PALM2AKAP2: variants seen among roughly 807,000 people sequenced by gnomAD.
PALM2AKAP2 encodes PALM2 and AKAP2 fusion.
Under a neutral mutation model 71.5 loss-of-function variants are expected in PALM2AKAP2, and 37 were observed. The ratio of observed to expected loss-of-function variants is 0.52; its 90% CI spans 0.40 to 0.68. The LOEUF is 0.68. Among genes scored for constraint, PALM2AKAP2 ranks in the 30% least tolerant of loss-of-function variants. The pLI, the probability that PALM2AKAP2 is intolerant of heterozygous loss-of-function variation, is 0.00. For missense variants in PALM2AKAP2, 1,224 were observed against 1,191.8 expected (o/e 1.03, Z -0.40); for synonymous variants, 468 against 478.8 (o/e 0.98, Z 0.29).
intron 3 of PALM2AKAP2, among the ~76,000 whole-genome samples, chr9:109,881,946 C>T (rs1457166136): frequency 1.5e-5 from 2 of 135,650 alleles, no homozygotes; most frequent in African/African-American, 2.7e-5. Context: ...TACAGTGGCA[C>T]AATCTTGGCT....
chr9:109,692,158 C>T (rs905527886), intron 1 of PALM2AKAP2, among the ~76,000 whole-genome samples: 15 of 150,900 alleles, frequency 9.9e-5, no homozygotes, highest in Non-Finnish European at 2.1e-4. Context: ...ATGGTTTTTA[C>T]TATATTCATA....
intron 1 of PALM2AKAP2, among the ~76,000 whole-genome samples, chr9:109,697,792 G>A (rs973165443): frequency 2.6e-5 from 4 of 152,036 alleles, no homozygotes; most frequent in Admixed American, 2.6e-4. Flanking sequence ...ATAGATAATG[G>A]CATTGCAACT....
intron 1 of PALM2AKAP2, among the ~76,000 whole-genome samples, chr9:109,784,546 A>G (rs1340998746): frequency 6.6e-6 from 1 of 152,270 alleles, no homozygotes; most frequent in African/African-American, 2.4e-5. Flanking sequence ...CAGTAGCTAA[A>G]GACACAAACT....
At chr9:109,950,638 C>T (rs1009807965) in intron 6 of PALM2AKAP2, among the ~76,000 whole-genome samples, 1 of 152,126 alleles carries the variant, frequency 6.6e-6, no homozygotes, top group East Asian at 1.9e-4. Flanking sequence ...AGATCAAGAC[C>T]CTTTTTCTAA....
chr9:109,690,845 A>G (rs10816857), intron 1 of PALM2AKAP2, among the ~76,000 whole-genome samples: 17,353 of 152,148 alleles, frequency 0.11, 1,287 homozygotes, highest in Non-Finnish European at 0.16. Flanking sequence ...TCAATTTTAC[A>G]TGTTTTTTGT....
chr9:109,848,480 T>C (rs1828923131), intron 1 of PALM2AKAP2, among the ~76,000 whole-genome samples: 1 of 152,160 alleles, frequency 6.6e-6, no homozygotes, highest in African/African-American at 2.4e-5. Context: ...CCATCACCAC[T>C]TCCAACACAC....
At chr9:109,777,690 G>A (rs75285373), upstream of PALM2AKAP2, among the ~76,000 whole-genome samples, 119 of 152,190 alleles carry the variant, frequency 7.8e-4, 2 homozygotes, top group African/African-American at 2.7e-3. Context: ...CCCTCCAATG[G>A]TCTCTTCTTC....
chr9:109,718,794 T>C (rs1828365188), intron 1 of PALM2AKAP2, among the ~76,000 whole-genome samples: 1 of 152,202 alleles, frequency 6.6e-6, no homozygotes, highest in South Asian at 2.1e-4. Flanking sequence ...GGTTGATGTT[T>C]TTTCTTGCTC....
intron 1 of PALM2AKAP2, among the ~76,000 whole-genome samples, chr9:110,051,894 G>A (rs1271243246): frequency 6.6e-6 from 1 of 151,766 alleles, no homozygotes; most frequent in Non-Finnish European, 1.5e-5. Context: ...AGTTTGGGTA[G>A]CAAATTGCAC....
chr9:109,756,762 T>G (rs1037394292), intron 1 of PALM2AKAP2, among the ~76,000 whole-genome samples: 1 of 152,200 alleles, frequency 6.6e-6, no homozygotes, highest in African/African-American at 2.4e-5. Flanking sequence ...TTTCAAGATT[T>G]ATCATATACT....
At chr9:110,082,709 A>G (rs1189377917) in intron 1 of PALM2AKAP2, among the ~76,000 whole-genome samples, 1 of 152,256 alleles carries the variant, frequency 6.6e-6, no homozygotes, top group Non-Finnish European at 1.5e-5. Context: ...TGTATGCAAC[A>G]TAAAACTTTA....
chr9:109,698,159 T>C (rs1827999448), intron 1 of PALM2AKAP2, among the ~76,000 whole-genome samples: 2 of 152,328 alleles, frequency 1.3e-5, no homozygotes, highest in African/African-American at 4.8e-5. Flanking sequence ...AAAAACCTTT[T>C]TGCAGCTGAG....
At chr9:109,925,854 T>C (rs549228330) in intron 5 of PALM2AKAP2, among the ~76,000 whole-genome samples, 1 of 152,330 alleles carries the variant, frequency 6.6e-6, no homozygotes, top group South Asian at 2.1e-4. Context: ...AGACCTGCTT[T>C]ACAATGCAGG....
At chr9:109,837,608 A>G (rs1221199076) in intron 1 of PALM2AKAP2, among the ~76,000 whole-genome samples, 2 of 152,204 alleles carry the variant, frequency 1.3e-5, no homozygotes, top group Non-Finnish European at 2.9e-5. Flanking sequence ...GTCAAGACCT[A>G]TCAGTGTGCT....
chr9:109,940,611 G>A (rs950010901), intron 6 of PALM2AKAP2, among the ~76,000 whole-genome samples: 4 of 152,096 alleles, frequency 2.6e-5, no homozygotes, highest in African/African-American at 9.7e-5. Context: ...AAGAGGTAGG[G>A]ACTCAAGACA....
At chr9:110,137,516 T>G (rs139214625) in exon 2 of PALM2AKAP2, 14 of 1,613,986 alleles carry the variant, frequency 8.7e-6, no homozygotes, top group Non-Finnish European at 1.2e-5. Flanking sequence ...ACGTGGGCCC[T>G]TATCTAAACT....
intron 1 of PALM2AKAP2, among the ~76,000 whole-genome samples, chr9:109,845,657 C>G (rs1828834736): frequency 1.3e-5 from 2 of 152,132 alleles, no homozygotes; most frequent in Non-Finnish European, 2.9e-5. Context: ...TCTAGCTGGT[C>G]TCAGTCTTTG....
intron 1 of PALM2AKAP2, among the ~76,000 whole-genome samples, chr9:109,796,668 C>CA: frequency 6.7e-6 from 1 of 148,166 alleles, no homozygotes; most frequent in Non-Finnish European, 1.5e-5. Flanking sequence ...GGGAAGCAGG[C>CA]ACATCTTACG....
At chr9:109,809,964 CTG>C (rs1267612749) in intron 1 of PALM2AKAP2, among the ~76,000 whole-genome samples, 2 of 152,226 alleles carry the variant, frequency 1.3e-5, no homozygotes, top group South Asian at 4.1e-4. Context: ...CCATGTGGAA[CTG>C]TGAGTCAATT....
Sources: gnomAD v4.1 joint callset for allele counts (sites outside exome capture counted in the v4.1 genomes callset) on GRCh38, gnomAD v4.1.1 for gene constraint, MANE v1.5 for transcripts, NCBI Gene and HGNC (gene_info 2026-07-23, HGNC 2026-07-21) for gene names.